The following SMAP2 variants were observed in gnomAD, a reference collection of about 807,000 sequenced individuals.
SMAP2 encodes small ArfGAP2.
Under a neutral mutation model 56.4 loss-of-function variants are expected in SMAP2, and 25 were observed. The ratio of observed to expected loss-of-function variants is 0.44; its 90% CI spans 0.32 to 0.62. The LOEUF (loss-of-function observed/expected upper bound fraction) is 0.62, where lower values mean the gene tolerates loss of function less well. Among genes scored for constraint, SMAP2 ranks in the 20% least tolerant of loss-of-function variants. The pLI is 0.04. For synonymous variants in SMAP2, 157 were observed against 181.7 expected (o/e 0.86, Z 1.09); for missense variants, 388 against 545.6 (o/e 0.71, Z 2.88).
At chr1:40,389,293 CAG>C (rs1644692756) in intron 1 of SMAP2, among the ~76,000 whole-genome samples, 1 of 124,030 alleles carries the variant, frequency 8.1e-6, no homozygotes, top group Non-Finnish European at 1.7e-5. Flanking sequence ...AAGGAGGTAA[CAG>C]CTACTGCATT....
intron 2 of SMAP2, among the ~76,000 whole-genome samples, chr1:40,363,002 A>G (rs772362880): frequency 1.3e-5 from 2 of 152,188 alleles, no homozygotes; most frequent in African/African-American, 4.8e-5. Flanking sequence ...CTGTCAGAGT[A>G]TTAGGAGATG....
Position 40,373,837 on chromosome 1 carries a change from G to A in SMAP2, c.-284G>A, listed in dbSNP as rs1020559978. Reference sequence around the variant, plus strand: ...TCTGCGTCCGGCACCCAGGAGGCTCGTGGTCCGCCTTTGCCTGGGCTGAGG... The same window carrying A: ...TCTGCGTCCGGCACCCAGGAGGCTCATGGTCCGCCTTTGCCTGGGCTGAGG... On this transcript the variant is annotated 5_prime_UTR_variant, in exon 1 of 10. In the 5' UTR this introduces an upstream ATG that the reference lacks. Transcript: ENST00000372718. The A allele has an allele frequency of 2.4e-5, 7 of 287,818 alleles. No homozygotes were observed. The highest frequency in any genetic ancestry group is 8.9e-5 in the African/African-American group (4 of 44,792). The allele number at this position is 287,818 out of a possible 1,614,324, so 17.8% of individuals were successfully genotyped here.
At chr1:40,380,550 G>A (rs967420566) in intron 1 of SMAP2, among the ~76,000 whole-genome samples, 1 of 72,824 alleles carries the variant, frequency 1.4e-5, no homozygotes, top group Non-Finnish European at 2.6e-5. Flanking sequence ...TCTCTTTTGA[G>A]ATGGAGTCTC....
In SMAP2 at chr1:40,406,825, G is replaced by A; in HGVS notation, c.193G>A (p.Val65Ile). Residue 65 changes from valine to isoleucine, a missense_variant, in exon 2 of 10, where the codon GTA (valine) becomes ATA (isoleucine). Transcript: ENST00000372718. ...HRNLGVHISR[V>I]KSVNLDQWTQ... ...GAATCTGGGGGTGCACATATCCAGG[G>A]TAAAGTCAGTTAACCTCGACCAGTG... is the stretch of plus-strand genomic sequence containing the variant. 1.2e-6 allele frequency: 2 copies of A among 1,614,012 alleles called. No individual in the cohort carries two copies. The highest frequency in any genetic ancestry group is 1.7e-6 in the Non-Finnish European group (2 of 1,179,934).
chr1:40,366,440 G>C (rs1278957868), intron 2 of SMAP2, among the ~76,000 whole-genome samples: 1 of 109,614 alleles, frequency 9.1e-6, no homozygotes, highest in Non-Finnish European at 1.8e-5. Flanking sequence ...AAATGTTAAG[G>C]GCAGCCAGAG....
In SMAP2 at chr1:40,409,747, C is replaced by T. The variant is rs768781411; in HGVS notation, c.324-10C>T. 1.9e-6 allele frequency: 3 copies of T among 1,598,840 alleles called. No homozygotes were observed. Among genetic ancestry groups the T allele is most frequent in the Non-Finnish European group, 2.6e-6 (3 of 1,166,348 alleles). On this transcript the variant is annotated splice_polypyrimidine_tract_variant and intron_variant, in intron 3 of 9. Transcript: ENST00000372718. ...GCTTGTTGGATTCATCCTTAATAAG[C>T]TTTTTGCAGAGCTGTTGAAGGATTT...
chr1:40,383,383 A>G (rs570007244), intron 1 of SMAP2, among the ~76,000 whole-genome samples: 3 of 152,294 alleles, frequency 2.0e-5, no homozygotes, highest in East Asian at 3.9e-4. Context: ...TCAGTTGGCA[A>G]AGGGAGCCTG....
chr1:40,417,363 CAAAG>C lies in SMAP2; in HGVS notation c.1164+271_1164+274del, dbSNP rs1272512028. Among the ~76,000 whole-genome samples the C allele has an allele frequency of 2.6e-5, 4 of 151,322 alleles. No individual in the cohort carries two copies. In the East Asian group the frequency reaches 7.8e-4, roughly 30 times the overall value. Reference sequence around the variant, plus strand: ...ATTCTCAAAAGCAAAAACAAACACACAAAGAAACCCTGTACAAACAATGAATGCA... The same window carrying C: ...ATTCTCAAAAGCAAAAACAAACACACAAACCCTGTACAAACAATGAATGCA... On this transcript the variant is annotated intron_variant, in intron 9 of 9. Transcript: ENST00000372718.
At chr1:40,376,697 T>C (rs970898111) in intron 1 of SMAP2, among the ~76,000 whole-genome samples, 1 of 152,166 alleles carries the variant, frequency 6.6e-6, no homozygotes, top group South Asian at 2.1e-4. Flanking sequence ...AAAAAATACA[T>C]TTCATTGGAG....
intron 1 of SMAP2, among the ~76,000 whole-genome samples, chr1:40,389,100 T>C (rs1644691075): frequency 6.6e-6 from 1 of 152,116 alleles, no homozygotes; most frequent in Admixed American, 6.5e-5. Flanking sequence ...ACTGCGAGGG[T>C]CCACGGCTTC....
intron 1 of SMAP2, among the ~76,000 whole-genome samples, chr1:40,376,466 A>T (rs1192046943): frequency 6.6e-6 from 1 of 152,168 alleles, no homozygotes; most frequent in African/African-American, 2.4e-5. Context: ...ATGAGATGAC[A>T]ATGGGTCAGT....
intron 1 of SMAP2, among the ~76,000 whole-genome samples, chr1:40,345,348 G>T (rs888426858): frequency 3.3e-5 from 5 of 151,430 alleles, no homozygotes; most frequent in African/African-American, 9.7e-5. Flanking sequence ...AGCCATGATC[G>T]TGCCACTGCA....
At chr1:40,362,898 C>A (rs1340771272) in intron 2 of SMAP2, among the ~76,000 whole-genome samples, 1 of 152,116 alleles carries the variant, frequency 6.6e-6, no homozygotes, top group Non-Finnish European at 1.5e-5. Context: ...CAGCTTGGAG[C>A]AGCAGGGCAG....
chr1:40,411,581 A>C (rs1480792051), intron 4 of SMAP2, among the ~76,000 whole-genome samples: 1 of 152,216 alleles, frequency 6.6e-6, no homozygotes, highest in Non-Finnish European at 1.5e-5. Flanking sequence ...CATTTACCAA[A>C]AAGCTATTTC....
chr1:40,396,960 G>A (rs2124298077), intron 1 of SMAP2: 1 of 547,594 alleles, frequency 1.8e-6, no homozygotes, highest in African/African-American at 2.1e-5. Flanking sequence ...CAAATTTTGG[G>A]TCAGAGTTAA....
chr1:40,372,318 G>A (rs957479300), upstream of SMAP2, among the ~76,000 whole-genome samples: 2 of 152,084 alleles, frequency 1.3e-5, no homozygotes, highest in African/African-American at 4.8e-5. Flanking sequence ...GGGTACATTG[G>A]GGGTTGGAGG....
chr1:40,375,807 T>C, intron 1 of SMAP2: 1 of 971,698 alleles, frequency 1.0e-6, no homozygotes, highest in Non-Finnish European at 1.2e-6. Flanking sequence ...GAGAGTCAGA[T>C]GCCATTTTGG....
intron 1 of SMAP2, among the ~76,000 whole-genome samples, chr1:40,402,128 C>T (rs1377472494): frequency 6.6e-6 from 1 of 152,140 alleles, no homozygotes; most frequent in Non-Finnish European, 1.5e-5. Context: ...TTTTAAATTT[C>T]AAAATGGCAT....
intron 1 of SMAP2, among the ~76,000 whole-genome samples, chr1:40,345,810 G>A (rs1644382955): frequency 6.8e-6 from 1 of 146,480 alleles, no homozygotes. Flanking sequence ...AGGAGGGGAA[G>A]GTATTATGCT....
Sources: gnomAD v4.1 joint callset for allele counts (sites outside exome capture counted in the v4.1 genomes callset) on GRCh38, gnomAD v4.1.1 for gene constraint, MANE v1.5 for transcripts, NCBI Gene and HGNC (gene_info 2026-07-23, HGNC 2026-07-21) for gene names.